The following OCA2 variants were observed in gnomAD, a reference collection of about 807,000 sequenced individuals.
OCA2 encodes the protein OCA2 melanosomal transmembrane protein, also known as P protein.
In OCA2, 77 loss-of-function variants were observed where a neutral mutation model predicts 100.2. The ratio of observed to expected loss-of-function variants is 0.77; its 90% CI spans 0.64 to 0.93. The LOEUF is 0.93. Among genes scored for constraint, OCA2 ranks in the 40% least tolerant of loss-of-function variants. The pLI, the probability that OCA2 is intolerant of heterozygous loss-of-function variation, is 0.00. For missense variants in OCA2, 1,062 were observed against 1,089.1 expected (o/e 0.98, Z 0.35); for synonymous variants, 432 against 439.2 (o/e 0.98, Z 0.21).
At chr15:27,923,617 A>G (rs1482134272) in intron 19 of OCA2, among the ~76,000 whole-genome samples, 1 of 152,208 alleles carries the variant, frequency 6.6e-6, no homozygotes, top group African/African-American at 2.4e-5. Context: ...GATAGGTGAT[A>G]TTGAGCTTTT....
Position 28,039,800 on chromosome 15 carries a change from C to G in OCA2, c.228-7637G>C, listed in dbSNP as rs561945289. ...CTGTAATCCCAATGCTTTGGGAGGC[C>G]AAGGCAGGTGGATCACAAGGTCAGA... On this transcript the variant is annotated intron_variant, in intron 2 of 23. Transcript: ENST00000354638. Among the ~76,000 whole-genome samples the G allele has an allele frequency of 3.0e-4, 45 of 152,204 alleles. No individual in the cohort carries two copies. In the South Asian group the frequency reaches 9.1e-3, roughly 31 times the overall value.
chr15:27,806,726 G>A (rs1280997043), intron 23 of OCA2, among the ~76,000 whole-genome samples: 2 of 152,274 alleles, frequency 1.3e-5, no homozygotes, highest in Non-Finnish European at 2.9e-5. Flanking sequence ...CCTGTGGGAA[G>A]AGGATATTTT....
intron 23 of OCA2, among the ~76,000 whole-genome samples, chr15:27,841,217 A>G (rs55913701): frequency 0.081 from 12,270 of 152,300 alleles, 563 homozygotes; most frequent in African/African-American, 0.12. Flanking sequence ...AAAAGGTCAC[A>G]TGTTGTATGA....
intron 18 of OCA2, among the ~76,000 whole-genome samples, chr15:27,948,977 C>T (rs1010024644): frequency 1.3e-5 from 2 of 152,144 alleles, no homozygotes; most frequent in African/African-American, 4.8e-5. Flanking sequence ...AGTTCTGTAA[C>T]GGAGCTGGCC....
chr15:27,916,802 A>G lies in OCA2; in HGVS notation c.2079+9325T>C, dbSNP rs548278865. 3.9e-5 allele frequency among the ~76,000 whole-genome samples: 6 copies of G among 152,222 alleles called. No homozygotes were observed. The South Asian group carries it at 6.2e-4, about 16-fold the overall frequency. ...AACTGTTTTCCAAAAAATAGAACAC[A>G]CCTGACCTACTGTATGTGCTTCAGA... is the stretch of plus-strand genomic sequence containing the variant. On this transcript the variant is annotated intron_variant, in intron 19 of 23. Transcript: ENST00000354638.
chr15:28,072,349 G>C (rs987225541), intron 2 of OCA2, among the ~76,000 whole-genome samples: 6 of 152,158 alleles, frequency 3.9e-5, no homozygotes, highest in African/African-American at 1.2e-4. Flanking sequence ...CAGCACTTTG[G>C]GGGGCCGAGG....
At chr15:27,822,141 C>T (rs1040169816) in intron 23 of OCA2, among the ~76,000 whole-genome samples, 2 of 152,112 alleles carry the variant, frequency 1.3e-5, no homozygotes, top group African/African-American at 4.8e-5. Context: ...AAGCTGAGCA[C>T]GTGTGTCATA....
chr15:27,796,042 C>A (rs967148767), intron 23 of OCA2, among the ~76,000 whole-genome samples: 6 of 152,194 alleles, frequency 3.9e-5, no homozygotes, highest in African/African-American at 1.4e-4. Flanking sequence ...AATGCTTGTG[C>A]ACCACTACCA....
At chr15:27,835,033 G>A (rs1400490321) in intron 23 of OCA2, among the ~76,000 whole-genome samples, 1 of 152,196 alleles carries the variant, frequency 6.6e-6, no homozygotes, top group Non-Finnish European at 1.5e-5. Flanking sequence ...GATGCAGAAA[G>A]CAAAGATCAG....
chr15:27,823,737 G>A (rs55923128), intron 23 of OCA2, among the ~76,000 whole-genome samples: 2,488 of 152,176 alleles, frequency 0.016, 79 homozygotes, highest in African/African-American at 0.058. Flanking sequence ...TTCCATATTA[G>A]CTCACAGCAC....
chr15:27,805,763 C>T (rs576749054), intron 23 of OCA2, among the ~76,000 whole-genome samples: 2 of 152,216 alleles, frequency 1.3e-5, no homozygotes, highest in Non-Finnish European at 2.9e-5. Context: ...AGAAGACCCT[C>T]CGCGCCCCCC....
intron 19 of OCA2, among the ~76,000 whole-genome samples, chr15:27,920,995 A>AT (rs201490000): frequency 0.11 from 15,903 of 148,522 alleles, 1,134 homozygotes; most frequent in South Asian, 0.19. Flanking sequence ...GAAGAGAATA[A>AT]TTTTTTTTAA....
At chr15:27,746,717 C>G in the OCA2 span, among the ~76,000 whole-genome samples, 1 of 152,174 alleles carries the variant, frequency 6.6e-6, no homozygotes, top group African/African-American at 2.4e-5. Flanking sequence ...TAAAGTCAGT[C>G]TCCTCCCTCA....
At chr15:27,984,676 T>A (rs573300173) in intron 13 of OCA2, among the ~76,000 whole-genome samples, 1 of 152,306 alleles carries the variant, frequency 6.6e-6, no homozygotes, top group Admixed American at 6.5e-5. Context: ...TTCTCCTGCC[T>A]CAGCCTCCCC....
At chr15:27,952,501 A>G (rs2040067282) in intron 17 of OCA2, among the ~76,000 whole-genome samples, 1 of 152,208 alleles carries the variant, frequency 6.6e-6, no homozygotes, top group Admixed American at 6.5e-5. Context: ...ACTGTGCTCC[A>G]CAGGCCATGG....
At chr15:27,750,398 G>A (rs183098742), downstream of OCA2, among the ~76,000 whole-genome samples, 127 of 152,234 alleles carry the variant, frequency 8.3e-4, no homozygotes, top group Non-Finnish European at 1.3e-3. Flanking sequence ...CACACTCACC[G>A]GGAGTTTGAG....
At chr15:27,848,112 C>T (rs2035604509) in intron 22 of OCA2, among the ~76,000 whole-genome samples, 1 of 152,210 alleles carries the variant, frequency 6.6e-6, no homozygotes. Context: ...ATTATCAGAG[C>T]TCCTCCCTCT....
intron 5 of OCA2, among the ~76,000 whole-genome samples, chr15:28,023,556 C>T (rs868660758): frequency 1.3e-5 from 2 of 152,070 alleles, no homozygotes; most frequent in African/African-American, 2.4e-5. Context: ...GGGCAGGCTG[C>T]GTGGGAGAGC....
At chr15:27,902,376 T>A (rs139620604) in intron 19 of OCA2, among the ~76,000 whole-genome samples, 1 of 152,214 alleles carries the variant, frequency 6.6e-6, no homozygotes, top group Non-Finnish European at 1.5e-5. Context: ...TGGAATATTA[T>A]ATTTAAGTGG....
Sources: allele counts gnomAD v4.1 joint callset (sites outside exome capture counted in the v4.1 genomes callset), GRCh38; gene constraint gnomAD v4.1.1; transcripts MANE v1.5; gene names NCBI Gene and HGNC (gene_info 2026-07-23, HGNC 2026-07-21).